Variants in NEURL1 observed in about 807,000 individuals in gnomAD.
The protein encoded by NEURL1 is neuralized E3 ubiquitin protein ligase 1, also known as E3 ubiquitin-protein ligase NEURL1.
In NEURL1, 26 loss-of-function variants were observed where a neutral mutation model predicts 41.2. The observed-to-expected ratio is 0.63, with a 90% CI of 0.46 to 0.87. NEURL1 has a LOEUF of 0.87. NEURL1 is among the 40% of genes least tolerant of loss of function. The pLI, the probability that NEURL1 is intolerant of heterozygous loss-of-function variation, is 0.00. For missense variants in NEURL1, 761 were observed against 871.1 expected (o/e 0.87, Z 1.59); for synonymous variants, 400 against 402.3 (o/e 0.99, Z 0.07).
chr10:103,584,691 G>A lies in NEURL1; in HGVS notation c.805G>A (p.Ala269Thr), dbSNP rs867139368. The A allele has an allele frequency of 2.1e-6, 3 of 1,435,252 alleles. No homozygotes were observed. Among genetic ancestry groups the A allele is most frequent in the South Asian group, 1.4e-5 (1 of 70,416 alleles). The allele number at this position is 1,435,252 out of a possible 1,614,324, so 88.9% of individuals were successfully genotyped here. The change falls in exon 4 of 6, where the codon GCC (alanine) becomes ACC (threonine). Residue 269 changes from alanine (A) to threonine (T), a missense_variant. Physicochemically the swap from Ala to Thr is moderately conservative, Grantham distance 58. Transcript: ENST00000369780. ...GADGDEAAPA[A>T]GCPIPQNSLN... ...GGACGGCGACGAGGCCGCGCCGGCC[G>A]CCGGCTGCCCCATCCCGCAGAACTC...
intron 1 of NEURL1, among the ~76,000 whole-genome samples, chr10:103,553,245 C>T (rs751789023): frequency 1.7e-4 from 26 of 152,208 alleles, no homozygotes; most frequent in Non-Finnish European, 3.5e-4. Context: ...AAGTTAAATG[C>T]GTCACACGCT....
chr10:103,521,924 G>C (rs1176054425), intron 1 of NEURL1, among the ~76,000 whole-genome samples: 1 of 128,606 alleles, frequency 7.8e-6, no homozygotes, highest in Non-Finnish European at 1.6e-5. Flanking sequence ...GGTTGAGTCA[G>C]AAAAGAGAGT....
intron 1 of NEURL1, among the ~76,000 whole-genome samples, chr10:103,514,600 C>T (rs1480788753): frequency 6.6e-6 from 1 of 152,160 alleles, no homozygotes. Flanking sequence ...AGACCCCCAG[C>T]CCTGCAGAGA....
intron 1 of NEURL1, among the ~76,000 whole-genome samples, chr10:103,525,638 G>A (rs913201360): frequency 6.6e-6 from 1 of 152,164 alleles, no homozygotes; most frequent in Non-Finnish European, 1.5e-5. Context: ...ACAGGTGTGA[G>A]CCATCGTGAC....
intron 3 of NEURL1, among the ~76,000 whole-genome samples, chr10:103,582,398 G>A (rs776135461): frequency 3.3e-5 from 5 of 152,076 alleles, no homozygotes; most frequent in Non-Finnish European, 5.9e-5. Flanking sequence ...CAGCCTCTAT[G>A]CACCATCACT....
At chr10:103,580,256 A>G (rs1370712334) in intron 3 of NEURL1, among the ~76,000 whole-genome samples, 1 of 152,246 alleles carries the variant, frequency 6.6e-6, no homozygotes, top group East Asian at 1.9e-4. Context: ...ATGATGGGAC[A>G]TGCAAGGGTA....
At chr10:103,526,275 C>T (rs767493994) in intron 1 of NEURL1, among the ~76,000 whole-genome samples, 1 of 151,942 alleles carries the variant, frequency 6.6e-6, no homozygotes, top group Admixed American at 6.6e-5. Flanking sequence ...AGAATTCTTT[C>T]CCCCTTAATT....
chr10:103,536,814 CA>C lies in NEURL1; in HGVS notation c.86-34057del, dbSNP rs1394186719. On this transcript the variant is annotated intron_variant, in intron 1 of 5. Coordinates refer to ENST00000369780, the MANE Select transcript of NEURL1 (RefSeq NM_004210.5). ...TAACCATCTTAACCATTTAAGTGTA[CA>C]GTTCAGTGGTATTAAGTACATGTGT... Among the ~76,000 whole-genome samples the C allele has an allele frequency of 3.3e-5, 5 of 152,242 alleles. No homozygotes were observed. In the South Asian group the frequency reaches 8.3e-4, roughly 25 times the overall value.
chr10:103,566,368 T>A lies in NEURL1; in HGVS notation c.86-4504T>A, dbSNP rs1337295749. Among the ~76,000 whole-genome samples, 1 of 152,174 alleles carries A rather than the reference T, an allele frequency of 6.6e-6. No homozygotes were observed. The highest frequency in any genetic ancestry group is 2.4e-5 in the African/African-American group (1 of 41,432). ...TCCTTCCTGCCTCTTTGTAGTCAAA[T>A]CTCTCCCCTACTCTCCTTCTCTGAT... is the stretch of plus-strand genomic sequence containing the variant. On this transcript the variant is annotated intron_variant, in intron 1 of 5. Coordinates refer to ENST00000369780, the MANE Select transcript of NEURL1 (RefSeq NM_004210.5). This position sits in a 1 kb window ranked among gnomAD's most constrained non-coding sequence, Gnocchi z 4.2.
intron 1 of NEURL1, among the ~76,000 whole-genome samples, chr10:103,547,521 A>G (rs1469576213): frequency 6.6e-6 from 1 of 152,190 alleles, no homozygotes; most frequent in African/African-American, 2.4e-5. Context: ...ATCCCTCTGT[A>G]AGCTGGACCT....
intron 3 of NEURL1, among the ~76,000 whole-genome samples, chr10:103,573,286 C>G (rs770364066): frequency 1.4e-4 from 21 of 152,282 alleles, no homozygotes; most frequent in Middle Eastern, 3.4e-3. Flanking sequence ...TGCATTTTCT[C>G]TGTAAAAGGG....
At chr10:103,546,779 A>T (rs2034932344) in intron 1 of NEURL1, among the ~76,000 whole-genome samples, 1 of 152,214 alleles carries the variant, frequency 6.6e-6, no homozygotes, top group African/African-American at 2.4e-5. Context: ...CCCCCTACTG[A>T]TGGGCTAAAG....
At chr10:103,561,465 T>C (rs921853350) in intron 1 of NEURL1, among the ~76,000 whole-genome samples, 64 of 152,192 alleles carry the variant, frequency 4.2e-4, no homozygotes, top group African/African-American at 1.4e-3. Context: ...GGTTTTATCA[T>C]GTTGGCCAGG....
intron 1 of NEURL1, among the ~76,000 whole-genome samples, chr10:103,500,534 G>A (rs2033799244): frequency 6.6e-6 from 1 of 152,198 alleles, no homozygotes; most frequent in African/African-American, 2.4e-5. Context: ...AGAGATGGGG[G>A]AGTAATTTTT....
chr10:103,570,773 G>A (rs2035523154), intron 1 of NEURL1, 99 bp from the exon 2 acceptor site: 2 of 1,520,980 alleles, frequency 1.3e-6, no homozygotes, highest in South Asian at 2.6e-5. Flanking sequence ...GGCTCTGGGT[G>A]ACTTCTGGTC....
intron 1 of NEURL1, among the ~76,000 whole-genome samples, chr10:103,525,324 G>A (rs1288936867): frequency 7.1e-6 from 1 of 141,552 alleles, no homozygotes; most frequent in Non-Finnish European, 1.6e-5. Context: ...GAGTTTTTTT[G>A]GTGGAGTTTT....
At chr10:103,525,993 A>T (rs554828437) in intron 1 of NEURL1, among the ~76,000 whole-genome samples, 13 of 152,324 alleles carry the variant, frequency 8.5e-5, no homozygotes, top group Admixed American at 5.9e-4. Context: ...TTGTGCATCT[A>T]TTGAGAGGAG....
rs2035202102 is a variant in NEURL1 at position 103,558,264 on chromosome 10, G to A, written c.86-12608G>A. The A allele has an allele frequency of 1.0e-6, 1 of 966,514 alleles. No individual in the cohort carries two copies. Among genetic ancestry groups the A allele is most frequent in the Non-Finnish European group, 1.2e-6 (1 of 812,758 alleles). 59.9% of individuals were successfully genotyped at this position (966,514 alleles called of 1,614,324 possible). On this transcript the variant is annotated intron_variant, in intron 1 of 5. Coordinates refer to ENST00000369780, the MANE Select transcript of NEURL1 (RefSeq NM_004210.5). This position sits in a 1 kb window ranked among gnomAD's most constrained non-coding sequence, Gnocchi z 4.2. Reference sequence around the variant, plus strand: ...CTGCGTTAAAGTGAGTGAGGGGAGGGTGACAGGAGGACCCAGGACTCTGTA... The same window carrying A: ...CTGCGTTAAAGTGAGTGAGGGGAGGATGACAGGAGGACCCAGGACTCTGTA...
chr10:103,569,266 C>T, intron 1 of NEURL1, among the ~76,000 whole-genome samples: 1 of 152,236 alleles, frequency 6.6e-6, no homozygotes, highest in East Asian at 1.9e-4. Context: ...TAATTTCACT[C>T]ACATCGTTAT....
Sources: allele counts gnomAD v4.1 joint callset (sites outside exome capture counted in the v4.1 genomes callset), GRCh38; gene constraint gnomAD v4.1.1; non-coding constraint Gnocchi (gnomAD v3.1); transcripts MANE v1.5; gene names NCBI Gene and HGNC (gene_info 2026-07-23, HGNC 2026-07-21).